DUS3L: variants seen among roughly 807,000 people sequenced by gnomAD.
The protein encoded by DUS3L is tRNA-dihydrouridine(47) synthase [NAD(P)(+)]-like.
Under a neutral mutation model 74.6 loss-of-function variants are expected in DUS3L, and 62 were observed. The observed-to-expected ratio is 0.83, with a 90% CI of 0.68 to 1.03. The LOEUF (loss-of-function observed/expected upper bound fraction) is 1.03. Among genes scored for constraint, DUS3L ranks in the 50% least tolerant of loss-of-function variants. The pLI is 0.00. For synonymous variants in DUS3L, 433 were observed against 395.7 expected, an observed-to-expected ratio of 1.09 and a Z score of -1.12; for missense variants, 884 against 924.4, an observed-to-expected ratio of 0.96 and a Z score of 0.57.
Position 5,787,181 on chromosome 19 carries a change from G to T in DUS3L, c.1279-10C>A, listed in dbSNP as rs763660452. 5.9e-6 allele frequency: 6 copies of T among 1,021,936 alleles called. No homozygotes were observed. In the South Asian group the frequency reaches 1.2e-4, roughly 20 times the overall value. 63.3% of individuals were successfully genotyped at this position (1,021,936 alleles called of 1,614,324 possible). ...GCGGCACATCCAGCACCTACAGGAC[G>T]GTGGTGGGAGGTGGTGGGAGATGGT... On this transcript the variant is annotated splice_polypyrimidine_tract_variant and intron_variant, in intron 7 of 12. Transcript: ENST00000309061.
At chr19:5,790,914 A>G in intron 1 of DUS3L, 130 bp downstream of exon 1, 1 of 903,590 alleles carries the variant, frequency 1.1e-6, no homozygotes, top group African/African-American at 1.7e-5. Flanking sequence ...AGGCGGAAGA[A>G]CGGCCCGGAA....
Position 5,786,523 on chromosome 19 carries a change from TGA to T in DUS3L, c.1504_1505del (p.Ser502IlefsTer2). On this transcript the variant is annotated frameshift_variant, in exon 10 of 13. Transcript: ENST00000309061. LOFTEE classifies it high-confidence loss of function. Reference protein sequence around the residue: ...MPLFGNGDILSFEDANRAMQT... With the variant: ...MPLFGNGDILXFEDANRAMQT... The stretch of plus-strand genomic sequence containing the variant: ...GCATGGCGCGGTTGGCATCCTCAAA[TGA>T]CAAGATGTCCCCATTTCCTGAGGAG... 6.2e-7 allele frequency: 1 copy of T among 1,613,074 alleles called. No homozygotes were observed. Among genetic ancestry groups the T allele is most frequent in the Non-Finnish European group, 8.5e-7 (1 of 1,179,952 alleles).
Position 5,787,190 on chromosome 19 carries a change from A to AGAT in DUS3L, c.1279-20_1279-19insATC, listed in dbSNP as rs772691418. 6 of 1,501,706 alleles carry AGAT rather than the reference A, an allele frequency of 4.0e-6. No individual in the cohort carries two copies. In the African/African-American group the frequency reaches 7.0e-5, roughly 18 times the overall value. 93.0% of individuals were successfully genotyped at this position (1,501,706 alleles called of 1,614,324 possible). ...CCAGCACCTACAGGACGGTGGTGGGAGGTGGTGGGAGATGGTGGGAGGTGG... is the reference window on the plus strand; with the variant it reads ...CCAGCACCTACAGGACGGTGGTGGGAGATGGTGGTGGGAGATGGTGGGAGGTGG... On this transcript the variant is annotated intron_variant, in intron 7 of 12. Transcript: ENST00000309061.
Position 5,785,675 on chromosome 19 carries a change from T to C in DUS3L, c.1679A>G (p.His560Arg), listed in dbSNP as rs1397366031. The stretch of plus-strand genomic sequence containing the variant: ...CACGCCCTGCGTGTCCGAGCCCCAG[T>C]GCTCCAGGCCGTAGTTGGTGAAGTC... ...LRDFTNYGLEHWGSDTQGVEK... is the reference protein window; with the variant it reads ...LRDFTNYGLERWGSDTQGVEK... Residue 560 changes from histidine to arginine, a missense_variant, in exon 11 of 13, where the codon CAC (histidine) becomes CGC (arginine). By Grantham distance (29) the His-to-Arg change is conservative. Transcript: ENST00000309061. The C allele has an allele frequency of 6.2e-7, 1 of 1,612,680 alleles. No individual in the cohort carries two copies. The highest frequency in any genetic ancestry group is 1.7e-5 in the Admixed American group (1 of 59,986).
Position 5,785,169 on chromosome 19 carries a change from C to T in DUS3L, c.*34G>A, listed in dbSNP as rs779007035. On this transcript the variant is annotated 3_prime_UTR_variant, in exon 13 of 13. Transcript: ENST00000309061. ...AAAAGAATAAAATTTATTGTACTCT[C>T]CTCGCCCCAGGGTGCCCCTGGGAAA... 3.8e-6 allele frequency: 6 copies of T among 1,574,456 alleles called. No individual in the cohort carries two copies. Among genetic ancestry groups the T allele is most frequent in the Non-Finnish European group, 5.2e-6 (6 of 1,159,730 alleles).
intron 5 of DUS3L, 121 bp downstream of exon 5, chr19:5,787,902 AC>A: frequency 1.4e-6 from 2 of 1,478,294 alleles, no homozygotes; most frequent in South Asian, 1.3e-5. Context: ...TCAGGGCATC[AC>A]CCCCACTCCA....
At chr19:5,790,439 G>T in intron 1 of DUS3L, 104 bp from the exon 2 acceptor site, 1 of 1,408,866 alleles carries the variant, frequency 7.1e-7, no homozygotes. Flanking sequence ...CTGCTGATGG[G>T]GAGCTCACTA....
intron 2 of DUS3L, 29 bp downstream of exon 2, chr19:5,790,018 G>A (rs367825548): frequency 3.8e-5 from 61 of 1,606,950 alleles, no homozygotes; most frequent in Non-Finnish European, 4.7e-5. Flanking sequence ...TGCCTGCCCC[G>A]GCAGGAATGC....
intron 1 of DUS3L, chr19:5,790,681 GC>G: frequency 1.9e-6 from 1 of 534,032 alleles, no homozygotes. Flanking sequence ...AACACCGCAG[GC>G]CCCAGCACGC....
At position 5,787,066 on chromosome 19, in the gene DUS3L, C is replaced by G; in HGVS notation, c.1384G>C (p.Val462Leu). 6.5e-7 allele frequency: 1 copy of G among 1,547,652 alleles called. No individual in the cohort carries two copies. The highest frequency in any genetic ancestry group is 1.4e-5 in the African/African-American group (1 of 73,742). The change falls in exon 8 of 13, where the codon GTC (valine) becomes CTC (leucine). Residue 462 changes from valine to leucine, a missense_variant. Physicochemically the swap from Val to Leu is conservative, Grantham distance 32. Transcript: ENST00000309061. Reference protein sequence around the residue: ...PELRDWGVALVTLHGRSREQR... With the variant: ...PELRDWGVALLTLHGRSREQR... ...CGAGGCGTCCCAAGACCCACCGTGA[C>G]GAGTGCCACGCCCCAGTCCCGCAGC... is the stretch of plus-strand genomic sequence containing the variant.
intron 10 of DUS3L, 54 bp from the exon 11 acceptor site, chr19:5,785,845 G>C (rs1268296906): frequency 2.0e-6 from 3 of 1,495,632 alleles, no homozygotes; most frequent in Admixed American, 2.2e-5. Context: ...CTGGGATCGT[G>C]TGGCCTCTGC....
rs1408468651 is a variant in DUS3L at position 5,790,212 on chromosome 19, C to T, written c.222G>A (p.Arg74=). The T allele has an allele frequency of 6.2e-7, 1 of 1,614,202 alleles. No individual in the cohort carries two copies. Among genetic ancestry groups the T allele is most frequent in the Admixed American group, 1.7e-5 (1 of 60,014 alleles). ...CCGTCTGTCCATCCTCCAGTCGGATCCGCTTAGCCTCAGGCTCAGCCAGCT... is the reference window on the plus strand; with the variant it reads ...CCGTCTGTCCATCCTCCAGTCGGATTCGCTTAGCCTCAGGCTCAGCCAGCT... ...GNELAEPEAK[R]IRLEDGQTAD... The change falls in exon 2 of 13, where the codon CGG becomes CGA. Residue 74 remains arginine (R), a synonymous_variant. Transcript: ENST00000309061.
At chr19:5,787,758 C>T in intron 5 of DUS3L, 53 bp from the exon 6 acceptor site, 3 of 1,586,324 alleles carry the variant, frequency 1.9e-6, no homozygotes, top group South Asian at 1.1e-5. Context: ...CCGAACTGTC[C>T]CCACTTGGCC....
At position 5,787,278 on chromosome 19, in the gene DUS3L, G is replaced by A; in HGVS notation, c.1278+18C>T. The A allele has an allele frequency of 6.3e-7, 1 of 1,587,914 alleles. No homozygotes were observed. The highest frequency in any genetic ancestry group is 8.6e-7 in the Non-Finnish European group (1 of 1,163,476). The stretch of plus-strand genomic sequence containing the variant: ...GGGAGTTGTTTGGGAGCCAGTGCGA[G>A]GATGTGGCTGGCCGTACCTGGTTCA... On this transcript the variant is annotated intron_variant, in intron 7 of 12. Coordinates refer to ENST00000309061, the MANE Select transcript of DUS3L (RefSeq NM_020175.3).
At position 5,785,375 on chromosome 19, in the gene DUS3L, C is replaced by G. The variant is rs771877566; in HGVS notation, c.1880+8G>C. Reference sequence around the variant, plus strand: ...CTGCAGCTCCCCAACTCCAGCCCACCCAGGCACCTGATGCGGATCCAGTCG... The same window carrying G: ...CTGCAGCTCCCCAACTCCAGCCCACGCAGGCACCTGATGCGGATCCAGTCG... On this transcript the variant is annotated splice_region_variant and intron_variant, in intron 12 of 12. Coordinates refer to ENST00000309061, the MANE Select transcript of DUS3L (RefSeq NM_020175.3). 2 of 1,601,352 alleles carry G rather than the reference C, an allele frequency of 1.2e-6. No homozygotes were observed. The highest frequency in any genetic ancestry group is 2.2e-5 in the East Asian group (1 of 44,664).
At position 5,789,710 on chromosome 19, in the gene DUS3L, C is replaced by T. The variant is rs1328798868; in HGVS notation, c.397G>A (p.Ala133Thr). The T allele has an allele frequency of 3.1e-6, 5 of 1,603,592 alleles. No individual in the cohort carries two copies. Among genetic ancestry groups the T allele is most frequent in the Non-Finnish European group, 4.3e-6 (5 of 1,176,182 alleles). ...CAGCGATCACCGAAGAAACACTTAG[C>T]AGCCGACTCCTGCGAGGAAACAGGG... ...LCPSLIQESA[A>T]KCFFGDRCRF... Residue 133 changes from alanine (A) to threonine (T), a missense_variant, in exon 3 of 13, where the codon GCT becomes ACT. Ala to Thr is a moderately conservative substitution (Grantham distance 58). Transcript: ENST00000309061.
intron 5 of DUS3L, 35 bp downstream of exon 5, chr19:5,787,989 C>T (rs1287259544): frequency 1.9e-6 from 3 of 1,607,498 alleles, no homozygotes; most frequent in Middle Eastern, 1.7e-4. Context: ...GGCCGAGGGC[C>T]CCTCCACTCT....
rs1191007725 is a variant in DUS3L, at chr19:5,787,066, CG to C, written c.1383del (p.Val462SerfsTer15). 6.5e-7 allele frequency: 1 copy of C among 1,547,652 alleles called. No homozygotes were observed. The highest frequency in any genetic ancestry group is 8.7e-7 in the Non-Finnish European group (1 of 1,153,496). ...CGAGGCGTCCCAAGACCCACCGTGA[CG>C]AGTGCCACGCCCCAGTCCCGCAGCT... ...LPELRDWGVA[L>X]VTLHGRSREQ... On this transcript the variant is annotated frameshift_variant, in exon 8 of 13. Coordinates refer to ENST00000309061, the MANE Select transcript of DUS3L (RefSeq NM_020175.3). LOFTEE classifies it high-confidence loss of function.
chr19:5,788,609 C>T (rs2056877999), intron 3 of DUS3L, among the ~76,000 whole-genome samples: 1 of 150,744 alleles, frequency 6.6e-6, no homozygotes, highest in African/African-American at 2.5e-5. Flanking sequence ...CTTAACCATC[C>T]AAACCCAGTC....
Sources: allele counts gnomAD v4.1 joint callset (sites outside exome capture counted in the v4.1 genomes callset), GRCh38; gene constraint gnomAD v4.1.1; transcripts MANE v1.5; gene names NCBI Gene and HGNC (gene_info 2026-07-23, HGNC 2026-07-21).